The following ERICH2 variants were observed in gnomAD, a reference collection of about 807,000 sequenced individuals.
ERICH2 encodes glutamate rich 2.
In ERICH2, 17 loss-of-function variants were observed where a neutral mutation model predicts 17.4. The ratio of observed to expected loss-of-function variants is 0.98; its 90% CI spans 0.67 to 1.47. ERICH2 has a LOEUF of 1.47. Ranked by LOEUF, ERICH2 falls within the 40% of genes most tolerant of loss-of-function variation. The pLI is 0.00. For missense variants in ERICH2, 186 were observed against 183.2 expected, an observed-to-expected ratio of 1.01 and a Z score of -0.09; for synonymous variants, 51 against 61.1, an observed-to-expected ratio of 0.83 and a Z score of 0.77.
chr2:170,772,573 C>G, the ERICH2 span, among the ~76,000 whole-genome samples: 1 of 152,158 alleles, frequency 6.6e-6, no homozygotes, highest in Non-Finnish European at 1.5e-5. Context: ...AATCCTAGCA[C>G]TATATTACAC....
the ERICH2 span, among the ~76,000 whole-genome samples, chr2:170,774,739 A>AT: frequency 3.3e-5 from 5 of 150,686 alleles, no homozygotes; most frequent in Admixed American, 3.3e-4. Flanking sequence ...GCCCGACTAA[A>AT]TTTTTTTTGA....
the ERICH2 span, among the ~76,000 whole-genome samples, chr2:170,772,255 C>T: frequency 6.6e-6 from 1 of 152,184 alleles, no homozygotes; most frequent in Non-Finnish European, 1.5e-5. Flanking sequence ...CATCCAGTTT[C>T]GGCGTTTAGA....
chr2:170,781,322 A>G (rs1208044848), upstream of ERICH2, among the ~76,000 whole-genome samples: 2 of 152,122 alleles, frequency 1.3e-5, no homozygotes, highest in Non-Finnish European at 2.9e-5. Flanking sequence ...AAATTGAAAG[A>G]TTCTCAAGAC....
At chr2:170,777,014 A>G in the ERICH2 span, 2 of 152,848 alleles carry the variant, frequency 1.3e-5, no homozygotes, top group Non-Finnish European at 2.9e-5. Context: ...TAGAATGGAA[A>G]TAATGCTACT....
the ERICH2 span, among the ~76,000 whole-genome samples, chr2:170,773,487 A>T: frequency 6.6e-6 from 1 of 152,252 alleles, no homozygotes; most frequent in Non-Finnish European, 1.5e-5. Flanking sequence ...TGGTCCTGGT[A>T]ATCACTATTC....
intron 2 of ERICH2, 74 bp from the exon 8 acceptor site, chr2:170,792,786 TTAA>T: frequency 1.1e-6 from 1 of 902,184 alleles, no homozygotes; most frequent in Non-Finnish European, 1.7e-6. Context: ...TAACTAATGA[TTAA>T]TGGAAGATTT....
chr2:170,779,140 G>A (rs1700971855), upstream of ERICH2, among the ~76,000 whole-genome samples: 1 of 152,216 alleles, frequency 6.6e-6, no homozygotes, highest in Admixed American at 6.5e-5. Flanking sequence ...AACAGGGCTA[G>A]TTCTAGAGAA....
chr2:170,798,619 C>T lies in ERICH2; in HGVS notation c.347-151C>T, dbSNP rs1305760231. On this transcript the variant is annotated intron_variant, in intron 4 of 4. Transcript: ENST00000409885. ...AAAAATACATTTCTTCTTTGTACTA[C>T]CATTTGACCCTAGTGCAGTTAGCCA... The T allele has an allele frequency of 2.6e-4, 192 of 730,832 alleles. No homozygotes were observed. The East Asian group carries it at 5.1e-3, about 19-fold the overall frequency. 45.3% of individuals were successfully genotyped at this position (730,832 alleles called of 1,614,324 possible). A position where few individuals can be genotyped will look rare whatever the true frequency, so the allele number is the denominator to read the frequency against.
chr2:170,777,698 A>C, the ERICH2 span: 5 of 1,231,350 alleles, frequency 4.1e-6, no homozygotes, highest in Non-Finnish European at 5.1e-6. Context: ...GATGTCTTTG[A>C]TTGTGCAGCT....
At chr2:170,776,155 C>A in the ERICH2 span, among the ~76,000 whole-genome samples, 1 of 151,994 alleles carries the variant, frequency 6.6e-6, no homozygotes, top group African/African-American at 2.4e-5. Flanking sequence ...GAAAATCAGT[C>A]CTATGATCAG....
At chr2:170,787,733 A>C (rs1330867586) in intron 2 of ERICH2, among the ~76,000 whole-genome samples, 1 of 152,152 alleles carries the variant, frequency 6.6e-6, no homozygotes, top group Non-Finnish European at 1.5e-5. Context: ...AGTCCAAACT[A>C]TGTTATTTCA....
chr2:170,771,451 A>C, the ERICH2 span: 1 of 152,176 alleles, frequency 6.6e-6, no homozygotes, highest in South Asian at 2.1e-4. The surrounding 1 kb of genome is among the most constrained non-coding windows in gnomAD (Gnocchi z 4.8). Context: ...GTTCGTGTCT[A>C]CACGGGTGTG....
the ERICH2 span, among the ~76,000 whole-genome samples, chr2:170,775,906 G>A: frequency 6.6e-6 from 1 of 152,006 alleles, no homozygotes; most frequent in African/African-American, 2.4e-5. Flanking sequence ...TGCTTTTAAT[G>A]TCCACAGTCT....
chr2:170,779,725 C>A, upstream of ERICH2: 1 of 482,160 alleles, frequency 2.1e-6, no homozygotes, highest in Non-Finnish European at 2.7e-6. Flanking sequence ...CTTACATAAT[C>A]ACGTGTTTTA....
the ERICH2 span, among the ~76,000 whole-genome samples, chr2:170,773,625 A>T: frequency 6.6e-6 from 1 of 152,320 alleles, no homozygotes; most frequent in Non-Finnish European, 1.5e-5. Flanking sequence ...TAAGATTCTG[A>T]ACTTCTCAAA....
chr2:170,787,925 G>A (rs1701194405), intron 2 of ERICH2, among the ~76,000 whole-genome samples: 1 of 152,182 alleles, frequency 6.6e-6, no homozygotes, highest in South Asian at 2.1e-4. Context: ...ATATATTTAT[G>A]TCTAATTTTA....
chr2:170,793,156 A>G (rs767498743), intron 3 of ERICH2, among the ~76,000 whole-genome samples: 11 of 152,240 alleles, frequency 7.2e-5, no homozygotes, highest in Non-Finnish European at 1.5e-4. Context: ...TCACTGGAAA[A>G]TAAGTCAAAA....
the ERICH2 span, chr2:170,777,550 A>G: frequency 9.1e-4 from 980 of 1,073,626 alleles, 22 homozygotes; most frequent in East Asian, 0.031. Context: ...TATGTTGCCT[A>G]TCCTTTTAAA....
intron 3 of ERICH2, among the ~76,000 whole-genome samples, chr2:170,797,418 T>A (rs1329647380): frequency 6.6e-6 from 1 of 152,180 alleles, no homozygotes; most frequent in Admixed American, 6.5e-5. Flanking sequence ...GGGAAATGAT[T>A]ATGTTCATGA....
Sources: gnomAD v4.1 joint callset for allele counts (sites outside exome capture counted in the v4.1 genomes callset) on GRCh38, gnomAD v4.1.1 for gene constraint, Gnocchi (gnomAD v3.1) non-coding constraint, MANE v1.5 for transcripts, NCBI Gene and HGNC (gene_info 2026-07-23, HGNC 2026-07-21) for gene names.